The following RORA variants were observed in gnomAD, a reference collection of about 807,000 sequenced individuals.
RORA encodes RAR related orphan receptor A, also known as nuclear receptor ROR-alpha.
A neutral mutation model predicts 69.5 loss-of-function variants in RORA; 7 were observed. The ratio of observed to expected loss-of-function variants is 0.10; its 90% CI spans 0.06 to 0.19. The LOEUF (loss-of-function observed/expected upper bound fraction) is 0.19, where lower values mean the gene tolerates loss of function less well. RORA is among the 10% of genes least tolerant of loss of function. The probability of loss-of-function intolerance (pLI) is 1.00; values close to 1 mark genes in which losing one functional copy is unlikely to be tolerated. For missense variants in RORA, 457 were observed against 663.0 expected, an observed-to-expected ratio of 0.69 and a Z score of 3.41; for synonymous variants, 261 against 240.8, an observed-to-expected ratio of 1.08 and a Z score of -0.78.
chr15:60,802,279 T>C (rs547114017), intron 1 of RORA, among the ~76,000 whole-genome samples: 1 of 152,244 alleles, frequency 6.6e-6, no homozygotes, highest in African/African-American at 2.4e-5. Flanking sequence ...TCCCAACTCA[T>C]GGGTTAATAT....
At chr15:60,706,572 C>T (rs2071065969) in intron 1 of RORA, among the ~76,000 whole-genome samples, 1 of 152,166 alleles carries the variant, frequency 6.6e-6, no homozygotes, top group African/African-American at 2.4e-5. Context: ...TAAATCACAA[C>T]CTGAGTCTTG....
chr15:60,503,494 G>A (rs2065396345), intron 7 of RORA, 41 bp downstream of exon 7: 1 of 1,609,012 alleles, frequency 6.2e-7, no homozygotes, highest in African/African-American at 1.3e-5. Flanking sequence ...GGTGAAAGCA[G>A]GTTAGGAAGA....
At chr15:60,693,489 TAGGAAGAG>T (rs2070859506) in intron 1 of RORA, among the ~76,000 whole-genome samples, 1 of 152,134 alleles carries the variant, frequency 6.6e-6, no homozygotes, top group Non-Finnish European at 1.5e-5. Context: ...TTCTTTCAAA[TAGGAAGAG>T]AGGAAGTCAA....
intron 1 of RORA, among the ~76,000 whole-genome samples, chr15:61,081,026 C>T (rs1173725217): frequency 6.6e-6 from 1 of 152,232 alleles, no homozygotes; most frequent in Non-Finnish European, 1.5e-5. Context: ...AGGAAGAAAG[C>T]AATAAAGTGA....
rs972129312 is a variant in RORA at position 61,206,475 on chromosome 15, C to T, written c.166+22578G>A. Among the ~76,000 whole-genome samples, 3 of 152,294 alleles carry T rather than the reference C, an allele frequency of 2.0e-5. No homozygotes were observed. The East Asian group carries it at 5.8e-4, about 29-fold the overall frequency. On this transcript the variant is annotated intron_variant, in intron 1 of 10. Coordinates refer to ENST00000335670, the MANE Select transcript of RORA (RefSeq NM_134261.3). The stretch of plus-strand genomic sequence containing the variant: ...GACAACCCCACGACATCCCTGTTCT[C>T]AAGGATCTCATAACTTAGCCAGAGA...
intron 1 of RORA, among the ~76,000 whole-genome samples, chr15:60,725,184 T>C (rs1300634486): frequency 6.6e-6 from 1 of 152,144 alleles, no homozygotes; most frequent in African/African-American, 2.4e-5. Flanking sequence ...TCTTACGAGT[T>C]TAGGCATTTC....
intron 1 of RORA, among the ~76,000 whole-genome samples, chr15:60,770,854 TCC>T: frequency 6.6e-6 from 1 of 152,204 alleles, no homozygotes; most frequent in South Asian, 2.1e-4. Flanking sequence ...TTCATGGGAC[TCC>T]TCTACTCCAA....
intron 1 of RORA, among the ~76,000 whole-genome samples, chr15:61,030,176 G>A (rs1896079525): frequency 6.6e-6 from 1 of 152,126 alleles, no homozygotes; most frequent in Non-Finnish European, 1.5e-5. Context: ...AAACTAAAGA[G>A]ACCTGACAAC....
chr15:60,586,453 G>C (rs1010737859), intron 2 of RORA, among the ~76,000 whole-genome samples: 2 of 151,786 alleles, frequency 1.3e-5, no homozygotes, highest in Admixed American at 6.6e-5. Context: ...ACGTATTAGA[G>C]GGGTGTGTGT....
intron 1 of RORA, among the ~76,000 whole-genome samples, chr15:60,763,481 C>G (rs2071931232): frequency 6.6e-6 from 1 of 152,112 alleles, no homozygotes; most frequent in African/African-American, 2.4e-5. Context: ...GGAGGTTACA[C>G]AGCATGTTAA....
intron 1 of RORA, among the ~76,000 whole-genome samples, chr15:60,701,821 G>C (rs1188405718): frequency 6.6e-6 from 1 of 152,180 alleles, no homozygotes; most frequent in Non-Finnish European, 1.5e-5. Context: ...ATGAGGCAGT[G>C]TTTTAAAAGG....
intron 1 of RORA, among the ~76,000 whole-genome samples, chr15:60,949,680 G>T (rs1893022239): frequency 6.6e-6 from 1 of 152,238 alleles, no homozygotes; most frequent in South Asian, 2.1e-4. Context: ...ATTTGCCACA[G>T]ATCCCATAGT....
rs1325504394 is a variant in RORA at position 60,495,473 on chromosome 15, C to G, written c.*1982G>C. The stretch of plus-strand genomic sequence containing the variant: ...CATACACACATCTGTGTGAATAATA[C>G]CTTCCCCTTTTCCAAGTCCCTCAAG... On this transcript the variant is annotated 3_prime_UTR_variant, in exon 11 of 11. Transcript: ENST00000335670. 3.3e-5 allele frequency: 5 copies of G among 152,146 alleles called. No individual in the cohort carries two copies. Among genetic ancestry groups the G allele is most frequent in the African/African-American group, 9.7e-5 (4 of 41,428 alleles). The allele number at this position is 152,146 out of a possible 1,614,324, so 9.4% of individuals were successfully genotyped here. A position where few individuals can be genotyped will look rare whatever the true frequency, so the allele number is the denominator to read the frequency against.
Position 61,046,516 on chromosome 15 carries a change from G to T in RORA, c.166+182537C>A, listed in dbSNP as rs2140486947. Reference sequence around the variant, plus strand: ...TGCCACCATGCTGGAGCAGCTTAGAGATCCACCTGAGTGAGCCAGAGGCGA... The same window carrying T: ...TGCCACCATGCTGGAGCAGCTTAGATATCCACCTGAGTGAGCCAGAGGCGA... On this transcript the variant is annotated intron_variant, in intron 1 of 10. Coordinates refer to ENST00000335670, the MANE Select transcript of RORA (RefSeq NM_134261.3). 2.0e-5 allele frequency among the ~76,000 whole-genome samples: 3 copies of T among 152,300 alleles called. No homozygotes were observed. In the East Asian group the frequency reaches 5.8e-4, roughly 30 times the overall value.
At chr15:60,618,341 C>T (rs1366678462) in intron 2 of RORA, among the ~76,000 whole-genome samples, 1 of 152,214 alleles carries the variant, frequency 6.6e-6, no homozygotes, top group Non-Finnish European at 1.5e-5. Flanking sequence ...CCTGCCTACC[C>T]ACACAGCCCC....
At chr15:60,606,975 G>A (rs536590305) in intron 2 of RORA, among the ~76,000 whole-genome samples, 1 of 152,296 alleles carries the variant, frequency 6.6e-6, no homozygotes, top group South Asian at 2.1e-4. Flanking sequence ...TATTTACTCC[G>A]AGGCTTTTTT....
Position 60,492,287 on chromosome 15 carries a change from T to C in RORA, c.*5168A>G, listed in dbSNP as rs1256879423. Reference sequence around the variant, plus strand: ...ACTTTATGGAAAGTAATATGTGGAATATGATAACAAAACGGTATTTCAAAA... The same window carrying C: ...ACTTTATGGAAAGTAATATGTGGAACATGATAACAAAACGGTATTTCAAAA... On this transcript the variant is annotated 3_prime_UTR_variant, in exon 11 of 11. Transcript: ENST00000335670. 6.6e-6 allele frequency: 1 copy of C among 152,208 alleles called. No individual in the cohort carries two copies. Among genetic ancestry groups the C allele is most frequent in the Non-Finnish European group, 1.5e-5 (1 of 68,018 alleles). The allele number at this position is 152,208 out of a possible 1,614,324, so 9.4% of individuals were successfully genotyped here. A position where few individuals can be genotyped will look rare whatever the true frequency, so the allele number is the denominator to read the frequency against.
chr15:61,139,991 A>AT (rs1338893896), intron 1 of RORA, among the ~76,000 whole-genome samples: 3 of 152,338 alleles, frequency 2.0e-5, no homozygotes, highest in African/African-American at 4.8e-5. Flanking sequence ...GGAGGACACC[A>AT]TTTGGCACTT....
chr15:60,929,023 C>T (rs1336618348), intron 1 of RORA, among the ~76,000 whole-genome samples: 1 of 151,938 alleles, frequency 6.6e-6, no homozygotes, highest in Admixed American at 6.6e-5. Context: ...CTTGTGTGCC[C>T]CGCTCCCACT....
Sources: gnomAD v4.1 joint callset for allele counts (sites outside exome capture counted in the v4.1 genomes callset) on GRCh38, gnomAD v4.1.1 for gene constraint, MANE v1.5 for transcripts, NCBI Gene and HGNC (gene_info 2026-07-23, HGNC 2026-07-21) for gene names.